The following HYDIN variants were observed in gnomAD, a reference collection of about 807,000 sequenced individuals.
The protein encoded by HYDIN is axonemal central pair apparatus protein HYDIN.
A neutral mutation model predicts 403.9 loss-of-function variants in HYDIN; 132 were observed. The observed-to-expected ratio is 0.33, with a 90% CI of 0.28 to 0.38. The LOEUF is 0.38. HYDIN is among the 10% of genes least tolerant of loss of function. The pLI, the probability that HYDIN is intolerant of heterozygous loss-of-function variation, is 1.00. For synonymous variants in HYDIN, 1,202 were observed against 1,891.7 expected (o/e 0.64, Z 9.46); for missense variants, 2,827 against 5,009.5 (o/e 0.56, Z 13.15).
chr16:70,837,316 T>A (rs1471406090), intron 77 of HYDIN, among the ~76,000 whole-genome samples: 1 of 150,274 alleles, frequency 6.7e-6, no homozygotes, highest in Non-Finnish European at 1.5e-5. Context: ...TTAAAAAAAA[T>A]GTTATCTATT....
chr16:71,145,257 A>T (rs1482616386), intron 7 of HYDIN, among the ~76,000 whole-genome samples: 5 of 142,706 alleles, frequency 3.5e-5, no homozygotes, highest in South Asian at 2.2e-4. Flanking sequence ...TGAATGATTA[A>T]TTTTTTTTTT....
At chr16:70,832,723 G>C in intron 80 of HYDIN, 125 bp downstream of exon 80, 1 of 652,534 alleles carries the variant, frequency 1.5e-6, no homozygotes, top group Non-Finnish European at 2.7e-6. Flanking sequence ...TCCAGCAGTG[G>C]AAACGGTGTA....
intron 8 of HYDIN, among the ~76,000 whole-genome samples, 183 bp downstream of exon 8, chr16:71,136,968 C>T (rs567063019): frequency 1.1e-4 from 17 of 148,260 alleles, no homozygotes; most frequent in African/African-American, 4.2e-4. Flanking sequence ...CCACATAGCT[C>T]AGCTCAGATC....
intron 56 of HYDIN, 47 bp downstream of exon 56, chr16:70,892,314 G>A (rs747081760): frequency 1.7e-5 from 27 of 1,565,790 alleles, no homozygotes; most frequent in East Asian, 2.2e-5. Context: ...AACAGGAGTC[G>A]TACGATCCTG....
chr16:71,176,934 T>A (rs1219337325), intron 4 of HYDIN, among the ~76,000 whole-genome samples: 2 of 152,064 alleles, frequency 1.3e-5, no homozygotes, highest in Non-Finnish European at 2.9e-5. Flanking sequence ...GGGCCCCAAA[T>A]CTCTCCCCAT....
Position 70,874,819 on chromosome 16 carries a change from T to A in HYDIN, c.10658A>T (p.Lys3553Ile). 1 of 1,613,482 alleles carries A rather than the reference T, an allele frequency of 6.2e-7. No homozygotes were observed. Among genetic ancestry groups the A allele is most frequent in the Non-Finnish European group, 8.5e-7 (1 of 1,179,778 alleles). Reference sequence around the variant, plus strand: ...AGAAGCACCCTCCCCACACTTACCTTTTACATGTGGTTTATTTTCCTCTGT... The same window carrying A: ...AGAAGCACCCTCCCCACACTTACCTATTACATGTGGTTTATTTTCCTCTGT... ...YITEENKPHV[K>I]AKKAHTASLV... The change falls in exon 63 of 86, where the codon AAA becomes ATA. Residue 3553 changes from lysine to isoleucine, a missense_variant and splice_region_variant. By Grantham distance (102) the Lys-to-Ile change is moderately radical. Coordinates refer to ENST00000393567, the MANE Select transcript of HYDIN (RefSeq NM_001270974.2).
chr16:70,998,495 T>C (rs1288949064), intron 23 of HYDIN, among the ~76,000 whole-genome samples: 1 of 145,980 alleles, frequency 6.9e-6, no homozygotes, highest in East Asian at 2.0e-4. Flanking sequence ...ATATTTCCAT[T>C]GTTCCTAATT....
chr16:71,140,805 C>T (rs1285112101), intron 7 of HYDIN, among the ~76,000 whole-genome samples: 1 of 151,978 alleles, frequency 6.6e-6, no homozygotes, highest in African/African-American at 2.4e-5. Flanking sequence ...ACGATATAGG[C>T]CAATCTATAG....
At chr16:71,228,866 T>C (rs1449243567) in intron 1 of HYDIN, among the ~76,000 whole-genome samples, 16 of 152,272 alleles carry the variant, frequency 1.1e-4, no homozygotes, top group African/African-American at 1.9e-4. Context: ...CATATGTTTA[T>C]TGCGGCACTA....
At chr16:71,040,045 T>C (rs1314066459) in intron 18 of HYDIN, among the ~76,000 whole-genome samples, 1 of 151,768 alleles carries the variant, frequency 6.6e-6, no homozygotes, top group Non-Finnish European at 1.5e-5. Flanking sequence ...CCACAGGGCT[T>C]GCATGTAGTT....
chr16:70,870,071 T>C (rs564222962), intron 65 of HYDIN, among the ~76,000 whole-genome samples: 361 of 152,228 alleles, frequency 2.4e-3, no homozygotes, highest in African/African-American at 7.6e-3. Context: ...CCCTAGAGAT[T>C]TGTGGAACTT....
chr16:70,929,934 G>A (rs1482889612), intron 45 of HYDIN, among the ~76,000 whole-genome samples: 6 of 152,170 alleles, frequency 3.9e-5, no homozygotes, highest in Admixed American at 6.6e-5. Context: ...GGGGGTTTAT[G>A]GTTCTCATGC....
At chr16:70,889,867 T>A (rs1455456551) in intron 57 of HYDIN, among the ~76,000 whole-genome samples, 163 bp from the exon 58 acceptor site, 1 of 152,246 alleles carries the variant, frequency 6.6e-6, no homozygotes. Flanking sequence ...AGTTAATCAC[T>A]GACCAAACTC....
chr16:70,872,666 A>G (rs538526523), intron 64 of HYDIN, among the ~76,000 whole-genome samples: 219 of 114,222 alleles, frequency 1.9e-3, no homozygotes, highest in African/African-American at 7.7e-3. Context: ...CCACCCATCC[A>G]CCATCCACCT....
chr16:70,911,798 T>C (rs893494322), intron 47 of HYDIN, among the ~76,000 whole-genome samples: 1 of 151,320 alleles, frequency 6.6e-6, no homozygotes, highest in Non-Finnish European at 1.5e-5. Flanking sequence ...CAGTGTTTTG[T>C]AGTTTTCCTT....
At chr16:71,049,106 CCACAAGTAGAA>C (rs1480240029) in intron 18 of HYDIN, among the ~76,000 whole-genome samples, 1 of 152,280 alleles carries the variant, frequency 6.6e-6, no homozygotes, top group Non-Finnish European at 1.5e-5. Context: ...ATCATATGGG[CCACAAGTAGAA>C]CAGAAACAAT....
chr16:70,853,458 A>G (rs2038801158), intron 73 of HYDIN, among the ~76,000 whole-genome samples: 1 of 148,882 alleles, frequency 6.7e-6, no homozygotes, highest in South Asian at 2.1e-4. Flanking sequence ...GGAACAATCC[A>G]GATGTCCTCC....
At chr16:70,902,533 C>T (rs1193739305) in intron 52 of HYDIN, among the ~76,000 whole-genome samples, 18 of 146,650 alleles carry the variant, frequency 1.2e-4, no homozygotes, top group South Asian at 2.2e-4. Flanking sequence ...GCAGGAGAAT[C>T]GCTTGAATCC....
intron 1 of HYDIN, among the ~76,000 whole-genome samples, chr16:71,222,914 A>AC (rs1452279282): frequency 1.3e-5 from 2 of 152,148 alleles, no homozygotes. Context: ...TGACCATACT[A>AC]CCCAAAGCGA....
Sources: gnomAD v4.1 joint callset for allele counts (sites outside exome capture counted in the v4.1 genomes callset) on GRCh38, gnomAD v4.1.1 for gene constraint, MANE v1.5 for transcripts, NCBI Gene and HGNC (gene_info 2026-07-23, HGNC 2026-07-21) for gene names.